The following DPP6 variants were observed in gnomAD, a reference collection of about 807,000 sequenced individuals.
DPP6 encodes the protein A-type potassium channel modulatory protein DPP6.
A neutral mutation model predicts 122.6 loss-of-function variants in DPP6; 69 were observed. The ratio of observed to expected loss-of-function variants is 0.56; its 90% CI spans 0.46 to 0.69. The LOEUF (loss-of-function observed/expected upper bound fraction) is 0.69. Ranked by LOEUF, DPP6 falls within the 30% of genes least tolerant of loss-of-function variation. The pLI, the probability that DPP6 is intolerant of heterozygous loss-of-function variation, is 0.00. For missense variants in DPP6, 928 were observed against 1,116.9 expected (o/e 0.83, Z 2.41); for synonymous variants, 418 against 433.1 (o/e 0.97, Z 0.43).
At chr7:154,685,995 A>ACAGCAAGTC (rs1304952725) in intron 7 of DPP6, among the ~76,000 whole-genome samples, 5 of 152,182 alleles carry the variant, frequency 3.3e-5, no homozygotes, top group Non-Finnish European at 7.3e-5. Flanking sequence ...TGGGTTTCAG[A>ACAGCAAGTC]CAGCAAGTCT....
Position 154,481,896 on chromosome 7 carries a change from A to T in DPP6, c.457+6859A>T, listed in dbSNP as rs1274896054. Among the ~76,000 whole-genome samples the T allele has an allele frequency of 2.6e-5, 4 of 152,186 alleles. No homozygotes were observed. The highest frequency in any genetic ancestry group is 9.7e-5 in the African/African-American group (4 of 41,448). On this transcript the variant is annotated intron_variant, in intron 3 of 25. Transcript: ENST00000377770. The surrounding 1 kb of genome is among the most constrained non-coding windows in gnomAD (Gnocchi z 4.2). ...ATAATTATTTATGAATGTAAACTCC[A>T]CAAGGATGGGACTCGCATCTCTGTT...
chr7:154,020,135 C>T (rs1368388305), intron 1 of DPP6, among the ~76,000 whole-genome samples: 1 of 152,162 alleles, frequency 6.6e-6, no homozygotes, highest in Non-Finnish European at 1.5e-5. Flanking sequence ...CACACTCATA[C>T]AGCAGCTCTG....
chr7:154,070,562 T>C (rs1803045012), intron 1 of DPP6, among the ~76,000 whole-genome samples: 1 of 152,164 alleles, frequency 6.6e-6, no homozygotes, highest in Non-Finnish European at 1.5e-5. Flanking sequence ...AGCTTCTATA[T>C]TTGCTTCTCT....
intron 1 of DPP6, among the ~76,000 whole-genome samples, chr7:154,318,512 AT>A (rs1422109877): frequency 1.3e-5 from 2 of 152,166 alleles, no homozygotes; most frequent in African/African-American, 4.8e-5. Context: ...GAATCACTTC[AT>A]GGAAAGTCCT....
the DPP6 span, among the ~76,000 whole-genome samples, chr7:153,781,734 TA>T: frequency 1.3e-5 from 2 of 151,954 alleles, no homozygotes; most frequent in Non-Finnish European, 2.9e-5. Flanking sequence ...ATAGCAGGGT[TA>T]GATTAACCAC....
At chr7:153,918,572 C>CACACACACACACACACAG (rs1563006204) in intron 1 of DPP6, among the ~76,000 whole-genome samples, 1 of 41,138 alleles carries the variant, frequency 2.4e-5, no homozygotes, top group African/African-American at 8.5e-5. Context: ...CACAGTCTCT[C>CACACACACACACACACAG]TCTCTCTCTC....
chr7:154,224,453 A>G (rs1177587677), intron 1 of DPP6, among the ~76,000 whole-genome samples: 1 of 149,316 alleles, frequency 6.7e-6, no homozygotes, highest in Non-Finnish European at 1.5e-5. Context: ...ATAAAAATGA[A>G]ACTCAACTTT....
rs539217033 is a variant in DPP6 at position 154,873,512 on chromosome 7, C to A, written c.1883+819C>A. ...GTTAAGGATGCCAGTGCAACTACCC[C>A]CTGAGTAAACGCTGGCACCTGATGG... On this transcript the variant is annotated intron_variant, in intron 19 of 25. Coordinates refer to ENST00000377770, the MANE Select transcript of DPP6 (RefSeq NM_130797.4). 2.9e-3 allele frequency among the ~76,000 whole-genome samples: 436 copies of A among 152,290 alleles called. 2 individuals carry two copies. The highest frequency in any genetic ancestry group is 0.01 in the African/African-American group (423 of 41,560).
At chr7:154,104,509 C>T (rs970289700) in intron 1 of DPP6, among the ~76,000 whole-genome samples, 1 of 152,212 alleles carries the variant, frequency 6.6e-6, no homozygotes, top group Non-Finnish European at 1.5e-5. Flanking sequence ...GCATGGCATT[C>T]GTATTTCAAA....
At chr7:153,956,068 C>T (rs917422762) in intron 1 of DPP6, among the ~76,000 whole-genome samples, 26 of 152,144 alleles carry the variant, frequency 1.7e-4, no homozygotes, top group South Asian at 2.1e-4. Flanking sequence ...GCAAAAGTAC[C>T]GGATGGAGCA....
chr7:154,477,151 C>T (rs889054810), intron 3 of DPP6, among the ~76,000 whole-genome samples: 1 of 152,070 alleles, frequency 6.6e-6, no homozygotes, highest in Non-Finnish European at 1.5e-5. Flanking sequence ...TGCAGAGTTA[C>T]TTCATTCACT....
chr7:154,324,152 A>G (rs1013664517), intron 1 of DPP6, among the ~76,000 whole-genome samples: 2 of 152,174 alleles, frequency 1.3e-5, no homozygotes, highest in African/African-American at 2.4e-5. Context: ...ATGATGGTCT[A>G]CGGATTGATT....
intron 7 of DPP6, among the ~76,000 whole-genome samples, chr7:154,687,764 G>T (rs766712829): frequency 3.3e-5 from 5 of 152,094 alleles, no homozygotes; most frequent in Non-Finnish European, 7.4e-5. Context: ...CTACCCCAAG[G>T]ACATAGTCTC....
intron 1 of DPP6, among the ~76,000 whole-genome samples, chr7:154,315,057 C>T (rs570912270): frequency 4.6e-5 from 7 of 152,254 alleles, no homozygotes; most frequent in East Asian, 1.9e-4. Context: ...TTGAGTAATT[C>T]GTTATTTAAT....
At chr7:154,494,220 G>C (rs964208554) in intron 3 of DPP6, among the ~76,000 whole-genome samples, 1 of 151,982 alleles carries the variant, frequency 6.6e-6, no homozygotes, top group African/African-American at 2.4e-5. Context: ...GCCAAGCCTG[G>C]TGGTGGACAC....
In DPP6 at chr7:154,475,010, C is replaced by A; in HGVS notation, c.430C>A (p.His144Asn). The A allele has an allele frequency of 6.2e-7, 1 of 1,613,612 alleles. No individual in the cohort carries two copies. The highest frequency in any genetic ancestry group is 1.1e-5 in the South Asian group (1 of 91,054). Reference sequence around the variant, plus strand: ...TCTCTTCAGTGAAGACTTCAAAATTCATGACCCCGAGGCTAAGTGGATAAG... The same window carrying A: ...TCTCTTCAGTGAAGACTTCAAAATTAATGACCCCGAGGCTAAGTGGATAAG... ...EDLFSEDFKI[H>N]DPEAKWISDT... Residue 144 changes from histidine to asparagine, a missense_variant, in exon 3 of 26, where the codon CAT becomes AAT. By Grantham distance (68) the His-to-Asn change is moderately conservative (BLOSUM62 1). Transcript: ENST00000377770.
At chr7:154,623,663 A>G (rs62477229) in intron 5 of DPP6, among the ~76,000 whole-genome samples, 41 of 83,898 alleles carry the variant, frequency 4.9e-4, no homozygotes, top group Non-Finnish European at 7.1e-4. Context: ...GCGCACACAC[A>G]CGCACACACA....
intron 4 of DPP6, among the ~76,000 whole-genome samples, chr7:154,559,752 A>G (rs1317289038): frequency 6.6e-6 from 1 of 151,922 alleles, no homozygotes; most frequent in Non-Finnish European, 1.5e-5. Context: ...CCACAGAAAT[A>G]TCTCTCAAAA....
intron 10 of DPP6, chr7:154,793,551 C>G (rs1005717980): frequency 6.6e-6 from 1 of 152,368 alleles, no homozygotes; most frequent in Non-Finnish European, 1.5e-5. Context: ...GAGAGTGTCC[C>G]TGGGTATTTT....
Sources: allele counts gnomAD v4.1 joint callset (sites outside exome capture counted in the v4.1 genomes callset), GRCh38; gene constraint gnomAD v4.1.1; non-coding constraint Gnocchi (gnomAD v3.1); transcripts MANE v1.5; gene names NCBI Gene and HGNC (gene_info 2026-07-23, HGNC 2026-07-21).